MARCHF1: variants seen among roughly 807,000 people sequenced by gnomAD.
MARCHF1 encodes the protein E3 ubiquitin-protein ligase MARCHF1.
Under a neutral mutation model 54.2 loss-of-function variants are expected in MARCHF1, and 40 were observed. The observed-to-expected ratio is 0.74, with a 90% CI of 0.57 to 0.96. The LOEUF is 0.96. MARCHF1 is among the 40% of genes least tolerant of loss of function. MARCHF1 has a pLI of 0.00. For synonymous variants in MARCHF1, 236 were observed against 236.3 expected, an observed-to-expected ratio of 1.00 and a Z score of 0.01; for missense variants, 586 against 656.5, an observed-to-expected ratio of 0.89 and a Z score of 1.17.
chr4:163,708,036 T>C (rs1182122643), intron 4 of MARCHF1, among the ~76,000 whole-genome samples: 1 of 151,898 alleles, frequency 6.6e-6, no homozygotes, highest in African/African-American at 2.4e-5. Context: ...TTGATTTCTA[T>C]AGGCTTCTTG....
rs144978466 is a variant in MARCHF1, at chr4:164,150,455, T to C, written c.-322-38793A>G. Among the ~76,000 whole-genome samples the C allele has an allele frequency of 4.6e-3, 704 of 152,268 alleles. 5 individuals are homozygous for C. Among genetic ancestry groups the C allele is most frequent in the Non-Finnish European group, 7.6e-3 (518 of 68,000 alleles). The stretch of plus-strand genomic sequence containing the variant: ...ATAACAAGCAACGTCATTGGTTTCC[T>C]CTCATGGAGAACAGGTATTCTTTAA... On this transcript the variant is annotated intron_variant, in intron 1 of 9. Transcript: ENST00000514618.
At chr4:164,128,921 T>G (rs188839528) in intron 1 of MARCHF1, among the ~76,000 whole-genome samples, 158 of 152,252 alleles carry the variant, frequency 1.0e-3, no homozygotes, top group African/African-American at 3.7e-3. Context: ...AGAGGTAGGC[T>G]CCCTCTTTAC....
At chr4:163,930,905 G>T (rs1292183845) in intron 3 of MARCHF1, among the ~76,000 whole-genome samples, 1 of 152,034 alleles carries the variant, frequency 6.6e-6, no homozygotes, top group East Asian at 1.9e-4. Context: ...GGTGGCAGGT[G>T]CAGAATGCTG....
At chr4:164,181,271 C>A (rs1387876660) in intron 1 of MARCHF1, among the ~76,000 whole-genome samples, 1 of 152,086 alleles carries the variant, frequency 6.6e-6, no homozygotes. Context: ...TGTTAGCTCC[C>A]AAATTAGGTA....
chr4:164,071,834 T>TA (rs528881344), intron 2 of MARCHF1, among the ~76,000 whole-genome samples: 102 of 152,320 alleles, frequency 6.7e-4, no homozygotes, highest in Admixed American at 2.2e-3. Context: ...AGTATACACT[T>TA]ACCACCATGG....
chr4:164,165,956 T>C (rs941636272), intron 1 of MARCHF1, among the ~76,000 whole-genome samples: 1 of 151,948 alleles, frequency 6.6e-6, no homozygotes, highest in Non-Finnish European at 1.5e-5. Context: ...TTTTTTTCAT[T>C]TCATGTTTGC....
chr4:164,142,524 C>G (rs555977585), intron 1 of MARCHF1, among the ~76,000 whole-genome samples: 52 of 152,152 alleles, frequency 3.4e-4, no homozygotes, highest in East Asian at 7.7e-4. Flanking sequence ...CCTGACCCCC[C>G]AGCAGCCTAA....
intron 1 of MARCHF1, among the ~76,000 whole-genome samples, chr4:164,292,947 T>C (rs1275061647): frequency 6.6e-6 from 1 of 152,150 alleles, no homozygotes; most frequent in Non-Finnish European, 1.5e-5. Flanking sequence ...GGATACTATA[T>C]ACTACTTCCT....
At chr4:164,351,174 G>A (rs370902676) in intron 1 of MARCHF1, among the ~76,000 whole-genome samples, 10 of 151,752 alleles carry the variant, frequency 6.6e-5, no homozygotes, top group East Asian at 2.0e-4. Context: ...AGGCGGCAGC[G>A]AGGCTGGGGT....
At chr4:164,014,045 A>G (rs548277360) in intron 2 of MARCHF1, among the ~76,000 whole-genome samples, 1 of 152,070 alleles carries the variant, frequency 6.6e-6, no homozygotes, top group South Asian at 2.1e-4. Context: ...AAAAAAAATT[A>G]ACTGGGCATG....
At chr4:164,164,678 A>G (rs564658827) in intron 1 of MARCHF1, among the ~76,000 whole-genome samples, 1 of 152,028 alleles carries the variant, frequency 6.6e-6, no homozygotes, top group African/African-American at 2.4e-5. Flanking sequence ...GGAAGAAAAT[A>G]GTGTTTCAAT....
At chr4:163,697,578 G>C (rs1744675429) in intron 5 of MARCHF1, among the ~76,000 whole-genome samples, 1 of 152,108 alleles carries the variant, frequency 6.6e-6, no homozygotes, top group African/African-American at 2.4e-5. Context: ...ATTCATTAAA[G>C]AACTGCAAGA....
chr4:164,086,716 T>G (rs1418258978), intron 2 of MARCHF1, among the ~76,000 whole-genome samples: 2 of 152,040 alleles, frequency 1.3e-5, no homozygotes, highest in African/African-American at 4.8e-5. Context: ...GGACATTAAA[T>G]GAAAATGGTA....
At chr4:164,087,680 C>T (rs926313673) in intron 2 of MARCHF1, among the ~76,000 whole-genome samples, 1 of 152,164 alleles carries the variant, frequency 6.6e-6, no homozygotes, top group Non-Finnish European at 1.5e-5. Context: ...CAGCTAAATA[C>T]ACACTAGCCT....
chr4:164,006,000 T>C (rs1167511350), intron 2 of MARCHF1, among the ~76,000 whole-genome samples: 1 of 152,022 alleles, frequency 6.6e-6, no homozygotes, highest in Non-Finnish European at 1.5e-5. Context: ...AAGCTAATAA[T>C]AGAAAACTAG....
At chr4:164,295,975 A>T (rs1292437050) in intron 1 of MARCHF1, among the ~76,000 whole-genome samples, 1 of 152,214 alleles carries the variant, frequency 6.6e-6, no homozygotes, top group Non-Finnish European at 1.5e-5. Flanking sequence ...TAATACACAC[A>T]CACGCAAACC....
chr4:164,083,655 T>A (rs1276848075), intron 2 of MARCHF1, among the ~76,000 whole-genome samples: 1 of 152,134 alleles, frequency 6.6e-6, no homozygotes, highest in East Asian at 1.9e-4. Context: ...TCCAAATCTA[T>A]GCTGCATCTT....
At chr4:164,169,859 C>T (rs534456696) in intron 1 of MARCHF1, among the ~76,000 whole-genome samples, 2 of 152,234 alleles carry the variant, frequency 1.3e-5, no homozygotes, top group African/African-American at 4.8e-5. Flanking sequence ...TATATATCAT[C>T]TTCAGCCAGA....
At chr4:163,917,083 G>A (rs1175121425) in intron 3 of MARCHF1, among the ~76,000 whole-genome samples, 1 of 152,108 alleles carries the variant, frequency 6.6e-6, no homozygotes, top group East Asian at 1.9e-4. Context: ...AATGTTCTAT[G>A]TGTGGAATCA....
Sources: allele counts gnomAD v4.1 joint callset (sites outside exome capture counted in the v4.1 genomes callset), GRCh38; gene constraint gnomAD v4.1.1; transcripts MANE v1.5; gene names NCBI Gene and HGNC (gene_info 2026-07-23, HGNC 2026-07-21).